The following CTNNA3 variants were observed in gnomAD, a reference collection of about 807,000 sequenced individuals.
CTNNA3 encodes catenin alpha-3.
Under a neutral mutation model 95.7 loss-of-function variants are expected in CTNNA3, and 76 were observed. The observed-to-expected ratio is 0.79, with a 90% CI of 0.66 to 0.96. CTNNA3 has a LOEUF of 0.96. Ranked by LOEUF, CTNNA3 falls within the 40% of genes least tolerant of loss-of-function variation. The pLI is 0.00. For synonymous variants in CTNNA3, 431 were observed against 374.4 expected, an observed-to-expected ratio of 1.15 and a Z score of -1.74; for missense variants, 1,191 against 1,089.8, an observed-to-expected ratio of 1.09 and a Z score of -1.31.
intron 4 of CTNNA3, among the ~76,000 whole-genome samples, chr10:67,533,799 G>T (rs1172718559): frequency 1.3e-5 from 2 of 152,024 alleles, no homozygotes; most frequent in Non-Finnish European, 2.9e-5. Flanking sequence ...TAATTTAATA[G>T]AAATAAGAAA....
chr10:66,843,919 C>T (rs941505671), intron 7 of CTNNA3, among the ~76,000 whole-genome samples: 1 of 152,104 alleles, frequency 6.6e-6, no homozygotes, highest in African/African-American at 2.4e-5. Flanking sequence ...TGAAGAGTAA[C>T]CAGTTTCTTT....
intron 7 of CTNNA3, among the ~76,000 whole-genome samples, chr10:66,899,162 G>A (rs989778351): frequency 9.9e-5 from 15 of 152,178 alleles, no homozygotes; most frequent in African/African-American, 1.7e-4. Flanking sequence ...ATGAGTTATC[G>A]CCACACACCT....
intron 3 of CTNNA3, among the ~76,000 whole-genome samples, chr10:67,581,912 T>G (rs777682570): frequency 2.4e-4 from 36 of 152,182 alleles, no homozygotes; most frequent in Admixed American, 7.2e-4. Flanking sequence ...GATATCCCCT[T>G]TATCATTTTT....
chr10:66,352,724 G>A (rs2092576468), intron 12 of CTNNA3, among the ~76,000 whole-genome samples: 1 of 152,036 alleles, frequency 6.6e-6, no homozygotes, highest in South Asian at 2.1e-4. Context: ...GAAATGAAAA[G>A]AGAGAAGCAA....
chr10:66,309,199 C>A (rs1054991519), intron 12 of CTNNA3, among the ~76,000 whole-genome samples: 3 of 152,144 alleles, frequency 2.0e-5, no homozygotes, highest in Non-Finnish European at 2.9e-5. Flanking sequence ...GAACCTTTCT[C>A]AGTAAAAACA....
rs567642923 is a variant in CTNNA3, at chr10:66,330,420, T to C, written c.1732+48732A>G. Among the ~76,000 whole-genome samples, 335 of 151,944 alleles carry C rather than the reference T, an allele frequency of 2.2e-3. 2 individuals carry two copies. The highest frequency in any genetic ancestry group is 7.4e-3 in the African/African-American group (307 of 41,304). Reference sequence around the variant, plus strand: ...GAACTCATCCTGTTTTATGGCTGCATAGTATTCCATGGTGTATATGTGCCA... The same window carrying C: ...GAACTCATCCTGTTTTATGGCTGCACAGTATTCCATGGTGTATATGTGCCA... On this transcript the variant is annotated intron_variant, in intron 12 of 17. Transcript: ENST00000433211.
chr10:67,263,611 T>C (rs997263597), intron 5 of CTNNA3, among the ~76,000 whole-genome samples: 3 of 152,192 alleles, frequency 2.0e-5, no homozygotes, highest in African/African-American at 7.2e-5. Context: ...GCCTCCCTGC[T>C]TCATCTTGGT....
chr10:66,652,268 A>G (rs1287515668), intron 9 of CTNNA3, among the ~76,000 whole-genome samples: 9 of 152,112 alleles, frequency 5.9e-5, no homozygotes. Context: ...GTAGACTAAT[A>G]AAAAAGAGAA....
intron 13 of CTNNA3, among the ~76,000 whole-genome samples, chr10:66,233,076 C>T (rs10822766): frequency 0.34 from 48,869 of 143,698 alleles, 8,743 homozygotes; most frequent in East Asian, 0.44. Context: ...AGGAGAATGG[C>T]GTGAACCCGG....
chr10:66,535,159 G>A (rs1841608572), intron 10 of CTNNA3, among the ~76,000 whole-genome samples: 2 of 151,146 alleles, frequency 1.3e-5, no homozygotes, highest in Non-Finnish European at 3.0e-5. Flanking sequence ...TTCTTAAGGG[G>A]GAAAAAAAAA....
In CTNNA3 at chr10:66,805,990, C is replaced by T. The variant is rs559721093; in HGVS notation, c.1048-30466G>A. On this transcript the variant is annotated intron_variant, in intron 7 of 17. Coordinates refer to ENST00000433211, the MANE Select transcript of CTNNA3 (RefSeq NM_013266.4). ...TAATTTGAATGGATTAGATGATACT[C>T]CTCTCATACTATTCATAAGGGTAAT... 1.1e-4 allele frequency among the ~76,000 whole-genome samples: 17 copies of T among 152,046 alleles called. 1 individual carries two copies. In the South Asian group the frequency reaches 2.1e-3, roughly 19 times the overall value.
intron 6 of CTNNA3, among the ~76,000 whole-genome samples, chr10:67,201,811 G>A (rs1863664041): frequency 6.6e-6 from 1 of 152,162 alleles, no homozygotes; most frequent in South Asian, 2.1e-4. Flanking sequence ...TCCACGATCA[G>A]CTACGTGATT....
chr10:66,300,985 A>G (rs1451199032), intron 12 of CTNNA3, among the ~76,000 whole-genome samples: 1 of 152,088 alleles, frequency 6.6e-6, no homozygotes. Flanking sequence ...TCAGTAATGA[A>G]AAGGGACTAT....
At chr10:67,725,799 G>A (rs990609627) in intron 1 of CTNNA3, among the ~76,000 whole-genome samples, 24 of 150,796 alleles carry the variant, frequency 1.6e-4, no homozygotes, top group African/African-American at 5.6e-4. Flanking sequence ...CTGCCCCATG[G>A]CACCCCTTAT....
At position 67,219,754 on chromosome 10, in the gene CTNNA3, A is replaced by T; in HGVS notation, c.696T>A (p.Ala232=). 6.2e-7 allele frequency: 1 copy of T among 1,614,130 alleles called. No individual in the cohort carries two copies. Among genetic ancestry groups the T allele is most frequent in the East Asian group, 2.2e-5 (1 of 44,864 alleles). ...CSACLEHSDV[A]SLKASKDTVC... is the part of the protein sequence containing the mutation. Reference sequence around the variant, plus strand: ...CTGTGTCCTTGCTTGCTTTGAGGGAAGCAACATCAGAATGCTCCAAACAAG... The same window carrying T: ...CTGTGTCCTTGCTTGCTTTGAGGGATGCAACATCAGAATGCTCCAAACAAG... The change falls in exon 6 of 18, where the codon GCT becomes GCA. Residue 232 remains alanine (A), a synonymous_variant. Coordinates refer to ENST00000433211, the MANE Select transcript of CTNNA3 (RefSeq NM_013266.4).
At chr10:67,583,704 C>T (rs563042454) in intron 3 of CTNNA3, among the ~76,000 whole-genome samples, 17 of 152,158 alleles carry the variant, frequency 1.1e-4, no homozygotes, top group Non-Finnish European at 1.9e-4. Flanking sequence ...ACCAATCAGA[C>T]GTAGATGTGG....
At chr10:66,294,895 A>T (rs1315503262) in intron 12 of CTNNA3, among the ~76,000 whole-genome samples, 3 of 146,368 alleles carry the variant, frequency 2.0e-5, no homozygotes, top group Non-Finnish European at 4.6e-5. Context: ...ACAGAGAGAG[A>T]GAGAGAGAGA....
chr10:67,185,431 T>C (rs116382638), intron 6 of CTNNA3, among the ~76,000 whole-genome samples: 1 of 152,194 alleles, frequency 6.6e-6, no homozygotes. Context: ...CGGCCTTTTT[T>C]TCCTTTTTTT....
chr10:66,938,225 A>AT (rs1440141234), intron 7 of CTNNA3, among the ~76,000 whole-genome samples: 1 of 152,074 alleles, frequency 6.6e-6, no homozygotes, highest in Admixed American at 6.6e-5. Flanking sequence ...CTCATTTACC[A>AT]TTTAACGGGC....
Sources: gnomAD v4.1 joint callset for allele counts (sites outside exome capture counted in the v4.1 genomes callset) on GRCh38, gnomAD v4.1.1 for gene constraint, MANE v1.5 for transcripts, NCBI Gene and HGNC (gene_info 2026-07-23, HGNC 2026-07-21) for gene names.